ABLIM3: variants seen among roughly 807,000 people sequenced by gnomAD.
ABLIM3 encodes the protein actin binding LIM protein family member 3.
ABLIM3 carries 61 observed loss-of-function variants against 109.5 expected under a neutral mutation model. The ratio of observed to expected loss-of-function variants is 0.56; its 90% CI spans 0.45 to 0.69. ABLIM3 has a LOEUF of 0.69. Among genes scored for constraint, ABLIM3 ranks in the 30% least tolerant of loss-of-function variants. The pLI is 0.00. For synonymous variants in ABLIM3, 300 were observed against 324.8 expected, an observed-to-expected ratio of 0.92 and a Z score of 0.82; for missense variants, 796 against 889.5, an observed-to-expected ratio of 0.89 and a Z score of 1.34.
chr5:149,173,155 C>G (rs529955167), intron 2 of ABLIM3, among the ~76,000 whole-genome samples: 1 of 152,298 alleles, frequency 6.6e-6, no homozygotes, highest in Admixed American at 6.5e-5. Context: ...GGAATGGGGC[C>G]CTGGCCAGCA....
chr5:149,206,927 G>T (rs1325911702), intron 5 of ABLIM3, 81 bp from the exon 6 acceptor site: 4 of 1,540,770 alleles, frequency 2.6e-6, no homozygotes, highest in Non-Finnish European at 3.5e-6. Context: ...TTCAGGGAGG[G>T]GTTTCCTTGA....
chr5:149,230,030 A>T (rs1194010689), intron 8 of ABLIM3, among the ~76,000 whole-genome samples: 1 of 152,236 alleles, frequency 6.6e-6, no homozygotes, highest in African/African-American at 2.4e-5. Context: ...GTAGACAGTC[A>T]TAAGTCTTTA....
At position 149,147,113 on chromosome 5, in the gene ABLIM3, A is replaced by ATGTG. The variant is rs35743789; in HGVS notation, c.13+5026_13+5029dup. On this transcript the variant is annotated intron_variant, in intron 2 of 23. Coordinates refer to ENST00000309868, the MANE Select transcript of ABLIM3 (RefSeq NM_014945.5). ...TCGCTCGCTTGCTCGCTCTCTGTGT[A>ATGTG]TGTGTGTGTGTGTGTGTGTGTGTGC... Among the ~76,000 whole-genome samples, 604 of 139,040 alleles carry ATGTG rather than the reference A, an allele frequency of 4.3e-3. 4 individuals are homozygous for ATGTG. Among genetic ancestry groups the ATGTG allele is most frequent in the African/African-American group, 0.015 (564 of 37,796 alleles). The allele number at this position is 139,040 out of a possible 152,430, so 91.2% of individuals were successfully genotyped here. A position where few individuals can be genotyped will look rare whatever the true frequency, so the allele number is the denominator to read the frequency against.
Position 149,247,834 on chromosome 5 carries a change from C to A in ABLIM3, c.1604C>A (p.Ser535Ter). The A allele has an allele frequency of 6.2e-7, 1 of 1,614,248 alleles. No individual in the cohort carries two copies. The highest frequency in any genetic ancestry group is 8.5e-7 in the Non-Finnish European group (1 of 1,180,052). Residue 535 changes from serine to a stop codon, truncating the protein, a stop_gained, in exon 18 of 24, where the codon TCG (serine) becomes TAG (stop). Transcript: ENST00000309868. LOFTEE classifies it high-confidence loss of function. ...LILKEEMKARSSSYADPWTPP... is the reference protein window; with the variant it reads ...LILKEEMKAR Reference sequence around the variant, plus strand: ...CTGAAGGAAGAAATGAAGGCCCGGTCGAGCTCCTATGCAGATCCCTGGACC... The same window carrying A: ...CTGAAGGAAGAAATGAAGGCCCGGTAGAGCTCCTATGCAGATCCCTGGACC...
At chr5:149,228,844 T>C (rs1272027093) in intron 8 of ABLIM3, among the ~76,000 whole-genome samples, 1 of 152,236 alleles carries the variant, frequency 6.6e-6, no homozygotes, top group African/African-American at 2.4e-5. Flanking sequence ...ATGGCCATTT[T>C]TGGCTCAGTT....
At chr5:149,236,895 T>G (rs1000935265) in intron 10 of ABLIM3, among the ~76,000 whole-genome samples, 9 of 152,264 alleles carry the variant, frequency 5.9e-5, no homozygotes, top group African/African-American at 2.2e-4. Context: ...TTAATCTATA[T>G]AAGGGACTTG....
At chr5:149,239,044 G>A (rs143865347) in intron 11 of ABLIM3, among the ~76,000 whole-genome samples, 169 of 152,244 alleles carry the variant, frequency 1.1e-3, no homozygotes, top group African/African-American at 3.9e-3. Flanking sequence ...CCTAAAAGGC[G>A]GGCATAATCT....
intron 2 of ABLIM3, among the ~76,000 whole-genome samples, chr5:149,154,592 A>G (rs561958373): frequency 6.6e-6 from 1 of 152,280 alleles, no homozygotes; most frequent in South Asian, 2.1e-4. Context: ...CCTTACAACA[A>G]TCTTACATGG....
chr5:149,173,946 C>T (rs1423985763), intron 2 of ABLIM3, among the ~76,000 whole-genome samples: 1 of 143,460 alleles, frequency 7.0e-6, no homozygotes, highest in Admixed American at 7.3e-5. Context: ...GGCGTGAACC[C>T]GGGAGGCGGA....
rs377093263 is a variant in ABLIM3 at position 149,207,279 on chromosome 5, C to A, written c.575+145C>A. 35 of 1,309,800 alleles carry A rather than the reference C, an allele frequency of 2.7e-5. No homozygotes were observed. In the African/African-American group the frequency reaches 4.2e-4, roughly 16 times the overall value. 81.1% of individuals were successfully genotyped at this position (1,309,800 alleles called of 1,614,324 possible). A position where few individuals can be genotyped will look rare whatever the true frequency, so the allele number is the denominator to read the frequency against. On this transcript the variant is annotated intron_variant, in intron 6 of 23. Coordinates refer to ENST00000309868, the MANE Select transcript of ABLIM3 (RefSeq NM_014945.5). The stretch of plus-strand genomic sequence containing the variant: ...TCTGGCCAAACAGCATCTTTCCCAG[C>A]AGCCTCTTTCCCCCGTTGGACCCTC...
Position 149,183,399 on chromosome 5 carries a change from A to T in ABLIM3, c.14-53A>T, listed in dbSNP as rs554041707. 60 of 1,463,678 alleles carry T rather than the reference A, an allele frequency of 4.1e-5. No individual in the cohort carries two copies. The South Asian group carries it at 6.5e-4, about 16-fold the overall frequency. The allele number at this position is 1,463,678 out of a possible 1,614,324, so 90.7% of individuals were successfully genotyped here. A position where few individuals can be genotyped will look rare whatever the true frequency, so the allele number is the denominator to read the frequency against. On this transcript the variant is annotated intron_variant, in intron 2 of 23. Transcript: ENST00000309868. ...CAATTATGATAATGTCTTGCAGCAG[A>T]CTTTGTAAAGAATCAGGGCCTCTGG... is the stretch of plus-strand genomic sequence containing the variant.
intron 13 of ABLIM3, 143 bp from the exon 14 acceptor site, chr5:149,240,533 C>T (rs937054789): frequency 3.6e-5 from 24 of 672,412 alleles, no homozygotes; most frequent in African/African-American, 3.0e-4. Context: ...GCTTCCGCCC[C>T]GGAACCTGAG....
intron 2 of ABLIM3, among the ~76,000 whole-genome samples, chr5:149,176,101 A>G (rs951156984): frequency 2.0e-5 from 3 of 151,940 alleles, no homozygotes; most frequent in Non-Finnish European, 4.4e-5. Flanking sequence ...TTCCCAGAGG[A>G]CTCGTACTTC....
chr5:149,170,898 T>C (rs1755354592), intron 2 of ABLIM3, among the ~76,000 whole-genome samples: 1 of 152,226 alleles, frequency 6.6e-6, no homozygotes, highest in Non-Finnish European at 1.5e-5. Flanking sequence ...TTACTTATTA[T>C]GTCTTGACTT....
In ABLIM3 at chr5:149,198,482, T is replaced by C. The variant is rs1375164991; in HGVS notation, c.335+80T>C. 1 of 1,465,806 alleles carries C rather than the reference T, an allele frequency of 6.8e-7. No individual in the cohort carries two copies. Among genetic ancestry groups the C allele is most frequent in the Non-Finnish European group, 9.1e-7 (1 of 1,104,522 alleles). 90.8% of individuals were successfully genotyped at this position (1,465,806 alleles called of 1,614,324 possible). A position where few individuals can be genotyped will look rare whatever the true frequency, so the allele number is the denominator to read the frequency against. ...GGAAGACCTGGCTTTTTCCAGGAAGTTCTGGGGTTTACAAGGTTTGTGCTG... is the reference window on the plus strand; with the variant it reads ...GGAAGACCTGGCTTTTTCCAGGAAGCTCTGGGGTTTACAAGGTTTGTGCTG... On this transcript the variant is annotated intron_variant, in intron 4 of 23. Coordinates refer to ENST00000309868, the MANE Select transcript of ABLIM3 (RefSeq NM_014945.5). This position sits in a 1 kb window ranked among gnomAD's most constrained non-coding sequence, Gnocchi z 4.2.
At chr5:149,230,145 G>C (rs10055659) in intron 8 of ABLIM3, among the ~76,000 whole-genome samples, 6,561 of 152,198 alleles carry the variant, frequency 0.043, 485 homozygotes, top group African/African-American at 0.15. Flanking sequence ...ATGTGTCACT[G>C]ACTGCCAATC....
intron 9 of ABLIM3, 37 bp from the exon 10 acceptor site, chr5:149,233,192 C>T: frequency 6.2e-7 from 1 of 1,604,674 alleles, no homozygotes. Flanking sequence ...GCTCAGGTTG[C>T]AGCTTCTCAC....
chr5:149,233,216 A>G lies in ABLIM3; in HGVS notation c.817-13A>G. ...GCAGCTTCTCACCTTTTCTGTCTTCATCTCTCTCACAGCATAGACGGACAT... is the reference window on the plus strand; with the variant it reads ...GCAGCTTCTCACCTTTTCTGTCTTCGTCTCTCTCACAGCATAGACGGACAT... On this transcript the variant is annotated splice_polypyrimidine_tract_variant and intron_variant, in intron 9 of 23. Coordinates refer to ENST00000309868, the MANE Select transcript of ABLIM3 (RefSeq NM_014945.5). 1 of 1,613,908 alleles carries G rather than the reference A, an allele frequency of 6.2e-7. No individual in the cohort carries two copies. The highest frequency in any genetic ancestry group is 8.5e-7 in the Non-Finnish European group (1 of 1,179,856).
rs1017143356 is a variant in ABLIM3, at chr5:149,239,877, A to G, written c.1193A>G (p.Tyr398Cys). ...SPTFSRSPHHYYRSGPESGRS... is the reference protein window; with the variant it reads ...SPTFSRSPHHCYRSGPESGRS... ...ACCTTCTCCCGCTCACCTCACCACTACTACCGCTCTGGTAAGGAAGGGGGA... is the reference window on the plus strand; with the variant it reads ...ACCTTCTCCCGCTCACCTCACCACTGCTACCGCTCTGGTAAGGAAGGGGGA... Residue 398 changes from tyrosine to cysteine, a missense_variant, in exon 13 of 24, where the codon TAC (tyrosine) becomes TGC (cysteine). Tyr to Cys is a radical substitution (Grantham distance 194). Coordinates refer to ENST00000309868, the MANE Select transcript of ABLIM3 (RefSeq NM_014945.5). The G allele has an allele frequency of 3.7e-5, 59 of 1,605,704 alleles. No individual in the cohort carries two copies. The highest frequency in any genetic ancestry group is 4.8e-5 in the Non-Finnish European group (56 of 1,175,856).
Sources: gnomAD v4.1 joint callset for allele counts (sites outside exome capture counted in the v4.1 genomes callset) on GRCh38, gnomAD v4.1.1 for gene constraint, Gnocchi (gnomAD v3.1) non-coding constraint, MANE v1.5 for transcripts, NCBI Gene and HGNC (gene_info 2026-07-23, HGNC 2026-07-21) for gene names.